The following CPNE5 variants were observed in gnomAD, a reference collection of about 807,000 sequenced individuals.
The protein encoded by CPNE5 is copine-5.
A neutral mutation model predicts 81.1 loss-of-function variants in CPNE5; 42 were observed. The observed-to-expected ratio is 0.52, with a 90% CI of 0.40 to 0.67. The LOEUF (loss-of-function observed/expected upper bound fraction) is 0.67, where lower values mean the gene tolerates loss of function less well. Among genes scored for constraint, CPNE5 ranks in the 30% least tolerant of loss-of-function variants. CPNE5 has a pLI of 0.00. For synonymous variants in CPNE5, 313 were observed against 321.5 expected (o/e 0.97, Z 0.28); for missense variants, 612 against 815.5 (o/e 0.75, Z 3.04).
intron 1 of CPNE5, among the ~76,000 whole-genome samples, chr6:36,826,309 T>C (rs1215693864): frequency 1.3e-5 from 2 of 152,150 alleles, no homozygotes; most frequent in African/African-American, 4.8e-5. Context: ...CCTTGCCTGG[T>C]GACCTCAAGA....
At chr6:36,791,464 C>T (rs1268800140) in intron 8 of CPNE5, among the ~76,000 whole-genome samples, 1 of 152,148 alleles carries the variant, frequency 6.6e-6, no homozygotes. Flanking sequence ...CCCCTGAGCC[C>T]CTTCTTTGTG....
Position 36,742,408 on chromosome 6 carries a change from C to T in CPNE5, c.1642G>A (p.Ala548Thr). 1 of 1,613,768 alleles carries T rather than the reference C, an allele frequency of 6.2e-7. No homozygotes were observed. The highest frequency in any genetic ancestry group is 8.5e-7 in the Non-Finnish European group (1 of 1,180,002). The change falls in exon 21 of 21, where the codon GCA becomes ACA. Residue 548 changes from alanine (A) to threonine (T), a missense_variant. Coordinates refer to ENST00000244751, the MANE Select transcript of CPNE5 (RefSeq NM_020939.2). ...SMARLARDVL[A>T]EIPDQLVSYM... ...GACACCAGTTGGTCAGGGATCTCTG[C>T]CAGCACGTCTCGGGCCAGGCGGGCC...
chr6:36,779,553 T>C (rs116314328), intron 8 of CPNE5, among the ~76,000 whole-genome samples: 65 of 152,324 alleles, frequency 4.3e-4, no homozygotes, highest in African/African-American at 1.5e-3. Context: ...CACCAACTCA[T>C]GAGAGGCTCA....
At chr6:36,824,252 G>A (rs893805179) in intron 1 of CPNE5, among the ~76,000 whole-genome samples, 1 of 152,186 alleles carries the variant, frequency 6.6e-6, no homozygotes, top group Non-Finnish European at 1.5e-5. Flanking sequence ...GAAGGGGCTG[G>A]AGGACTGACT....
chr6:36,757,510 C>T (rs1048402875), intron 12 of CPNE5: 6 of 273,608 alleles, frequency 2.2e-5, no homozygotes, highest in Admixed American at 1.3e-4. Context: ...TTCCTGCCCC[C>T]GGGCCAGTGG....
intron 13 of CPNE5, 137 bp from the exon 14 acceptor site, chr6:36,753,232 C>A: frequency 1.6e-6 from 1 of 637,364 alleles, no homozygotes; most frequent in Non-Finnish European, 2.9e-6. Context: ...GCCCACACCA[C>A]CCCATGAAGT....
chr6:36,809,007 G>A (rs978019369), intron 3 of CPNE5, among the ~76,000 whole-genome samples: 4 of 152,180 alleles, frequency 2.6e-5, no homozygotes, highest in African/African-American at 9.7e-5. Context: ...GCTGGGACTA[G>A]GTCTGACAGT....
chr6:36,808,321 C>T (rs904050768), intron 3 of CPNE5, among the ~76,000 whole-genome samples: 3 of 151,900 alleles, frequency 2.0e-5, no homozygotes, highest in Non-Finnish European at 4.4e-5. Context: ...GAACTCCTGA[C>T]CTCAGGTAAT....
intron 8 of CPNE5, among the ~76,000 whole-genome samples, chr6:36,790,249 G>A (rs1768962691): frequency 6.6e-6 from 1 of 152,144 alleles, no homozygotes. Flanking sequence ...AGGTAAGCAA[G>A]TCAATACATG....
In CPNE5 at chr6:36,742,420, G is replaced by A. The variant is rs1475700411; in HGVS notation, c.1630C>T (p.Arg544Ter). Residue 544 changes from arginine to a stop codon, truncating the protein, a stop_gained, in exon 21 of 21, where the codon CGA becomes TGA. Transcript: ENST00000244751. LOFTEE classifies it high-confidence loss of function. ...TCAGGGATCTCTGCCAGCACGTCTC[G>A]GGCCAGGCGGGCCATGCTCAGCACG... is the stretch of plus-strand genomic sequence containing the variant. ...NHVLSMARLA[R>*]DVLAEIPDQL... The A allele has an allele frequency of 1.9e-6, 3 of 1,613,602 alleles. No individual in the cohort carries two copies. The highest frequency in any genetic ancestry group is 1.7e-6 in the Non-Finnish European group (2 of 1,180,002).
chr6:36,805,766 A>C (rs1171426464), intron 3 of CPNE5, among the ~76,000 whole-genome samples: 1 of 152,238 alleles, frequency 6.6e-6, no homozygotes, highest in East Asian at 1.9e-4. Flanking sequence ...AACAAAACTC[A>C]GTGGAAAGAG....
intron 3 of CPNE5, among the ~76,000 whole-genome samples, chr6:36,815,547 GCTGGTGCCTTGATATTGGACTTC>G (rs1458430477): frequency 6.6e-6 from 1 of 152,210 alleles, no homozygotes; most frequent in East Asian, 1.9e-4. Flanking sequence ...CATTGAATTT[GCTGGTGCCTTGATATTGGACTTC>G]CTGGCCTCCA....
intron 14 of CPNE5, among the ~76,000 whole-genome samples, chr6:36,750,801 TG>T (rs990713026): frequency 2.6e-5 from 4 of 152,204 alleles, no homozygotes; most frequent in African/African-American, 9.7e-5. Context: ...GGGACACTGT[TG>T]GACTGGCTCT....
At chr6:36,750,447 T>G (rs1263392347) in intron 14 of CPNE5, among the ~76,000 whole-genome samples, 1 of 152,124 alleles carries the variant, frequency 6.6e-6, no homozygotes, top group Non-Finnish European at 1.5e-5. Context: ...TTCTGCTGGC[T>G]GGGGGCAGAG....
chr6:36,806,023 C>A (rs1018714236), intron 3 of CPNE5, among the ~76,000 whole-genome samples: 2 of 152,112 alleles, frequency 1.3e-5, no homozygotes, highest in Non-Finnish European at 2.9e-5. Context: ...AGAGGGAAGC[C>A]CAGAGCAGGG....
intron 10 of CPNE5, among the ~76,000 whole-genome samples, chr6:36,774,258 G>A (rs1232801471): frequency 6.6e-6 from 1 of 152,050 alleles, no homozygotes; most frequent in African/African-American, 2.4e-5. Context: ...GTAGGTGCCT[G>A]TAGTCCCAAC....
intron 18 of CPNE5, chr6:36,744,565 T>C: frequency 1.8e-6 from 1 of 568,564 alleles, no homozygotes; most frequent in East Asian, 2.9e-5. Context: ...GAATGGGTCA[T>C]AGGTCTGCTT....
At chr6:36,744,631 T>G in intron 18 of CPNE5, 1 of 496,090 alleles carries the variant, frequency 2.0e-6, no homozygotes, top group South Asian at 2.5e-5. Context: ...GGGAGCCATG[T>G]TCCTGAGCTT....
At chr6:36,771,218 G>C (rs866064183) in intron 10 of CPNE5, among the ~76,000 whole-genome samples, 1 of 152,196 alleles carries the variant, frequency 6.6e-6, no homozygotes, top group South Asian at 2.1e-4. Context: ...GTGCTCATTA[G>C]TAAGCCTCCC....
Sources: gnomAD v4.1 joint callset for allele counts (sites outside exome capture counted in the v4.1 genomes callset) on GRCh38, gnomAD v4.1.1 for gene constraint, MANE v1.5 for transcripts, NCBI Gene and HGNC (gene_info 2026-07-23, HGNC 2026-07-21) for gene names.